Variants in WDR17 observed in about 807,000 individuals in gnomAD.
WDR17 encodes the protein WD repeat domain 17.
Under a neutral mutation model 161.7 loss-of-function variants are expected in WDR17, and 143 were observed. The observed-to-expected ratio is 0.88, with a 90% CI of 0.77 to 1.02. The LOEUF is 1.02. WDR17 is among the 50% of genes least tolerant of loss of function. The probability of loss-of-function intolerance (pLI) is 0.00; values close to 1 mark genes in which losing one functional copy is unlikely to be tolerated. For missense variants in WDR17, 1,469 were observed against 1,520.9 expected, an observed-to-expected ratio of 0.97 and a Z score of 0.57; for synonymous variants, 517 against 515.6, an observed-to-expected ratio of 1.00 and a Z score of -0.04.
Position 176,160,027 on chromosome 4 carries a change from T to C in WDR17, c.2559T>C (p.Asp853=). The change falls in exon 19 of 29, where the codon GAT becomes GAC. Residue 853 remains aspartate (D), a synonymous_variant. Transcript: ENST00000508596. ...RADQLIQEDK[D]DVIPYCIAIG... ...ACCAATTAATCCAGGAAGATAAGGA[T>C]GATGTCATTCCATACTGCATAGCCA... is the stretch of plus-strand genomic sequence containing the variant. 1 of 1,611,824 alleles carries C rather than the reference T, an allele frequency of 6.2e-7. No homozygotes were observed.
intron 1 of WDR17, among the ~76,000 whole-genome samples, chr4:176,080,700 TG>T (rs1390700479): frequency 6.6e-6 from 1 of 152,100 alleles, no homozygotes; most frequent in Non-Finnish European, 1.5e-5. Flanking sequence ...TAATTTTACT[TG>T]GCCTGTCTGA....
At chr4:176,096,587 T>C in intron 1 of WDR17, 1 of 1,579,896 alleles carries the variant, frequency 6.3e-7, no homozygotes, top group Non-Finnish European at 8.6e-7. Flanking sequence ...CTACAAAGAG[T>C]AAGATACATT....
intron 12 of WDR17, 91 bp from the exon 13 acceptor site, chr4:176,148,042 C>A (rs1682847934): frequency 1.8e-6 from 2 of 1,101,734 alleles, no homozygotes; most frequent in Non-Finnish European, 2.5e-6. Context: ...GATAAGCTAA[C>A]AAATAATTAT....
chr4:176,167,690 GAA>G (rs917956143), intron 22 of WDR17, among the ~76,000 whole-genome samples: 1 of 137,186 alleles, frequency 7.3e-6, no homozygotes, highest in Non-Finnish European at 1.6e-5. Flanking sequence ...TTGAATTATT[GAA>G]AGTTAAGTGT....
intron 1 of WDR17, among the ~76,000 whole-genome samples, chr4:176,082,722 T>C (rs759330979): frequency 1.8e-4 from 28 of 152,296 alleles, no homozygotes; most frequent in Middle Eastern, 3.4e-3. Context: ...TGTGGAAATA[T>C]AGTGTCTAAG....
chr4:176,179,734 TC>T lies in WDR17; in HGVS notation c.*156del. On this transcript the variant is annotated 3_prime_UTR_variant, in exon 29 of 29. Coordinates refer to ENST00000508596, the MANE Select transcript of WDR17 (RefSeq NM_181265.4). ...TAGCAGTGAATTTTAGTCATTAACT[TC>T]AAAATATATATATATATATAATTTA... 2.4e-6 allele frequency: 1 copy of T among 411,636 alleles called. No individual in the cohort carries two copies. The highest frequency in any genetic ancestry group is 3.8e-6 in the Non-Finnish European group (1 of 263,738). The allele number at this position is 411,636 out of a possible 1,614,324, so 25.5% of individuals were successfully genotyped here. A position where few individuals can be genotyped will look rare whatever the true frequency, so the allele number is the denominator to read the frequency against.
Position 176,174,619 on chromosome 4 carries a change from C to G in WDR17, c.3350C>G (p.Ala1117Gly). 3 of 1,602,154 alleles carry G rather than the reference C, an allele frequency of 1.9e-6. No homozygotes were observed. Among genetic ancestry groups the G allele is most frequent in the Non-Finnish European group, 1.7e-6 (2 of 1,173,834 alleles). ...AAAATAAATATATTCTCTTTTAGAG[C>G]TCGAAATGAGTTGCTGATATTATGT... ...EKLLLHTCTE[A>G]RNELLILCGY... The change falls in exon 26 of 29, where the codon GCT (alanine) becomes GGT (glycine). Residue 1117 changes from alanine to glycine, a missense_variant and splice_region_variant. Coordinates refer to ENST00000508596, the MANE Select transcript of WDR17 (RefSeq NM_181265.4).
intron 1 of WDR17, among the ~76,000 whole-genome samples, chr4:176,068,599 CA>C (rs937359416): frequency 1.1e-4 from 16 of 151,280 alleles, no homozygotes; most frequent in African/African-American, 3.6e-4. Context: ...AAGACAACGT[CA>C]AAAAAATTAA....
chr4:176,140,775 C>A (rs1445485361), intron 10 of WDR17, among the ~76,000 whole-genome samples: 1 of 151,796 alleles, frequency 6.6e-6, no homozygotes, highest in African/African-American at 2.4e-5. Context: ...AAGATCCTTA[C>A]CGGGAAGTTA....
chr4:176,150,656 G>A (rs1746969596), intron 16 of WDR17, 63 bp downstream of exon 16: 4 of 1,469,714 alleles, frequency 2.7e-6, no homozygotes, highest in East Asian at 2.4e-5. Flanking sequence ...CTATTAAAAT[G>A]TAAAAATGAT....
At chr4:176,096,482 C>A in intron 1 of WDR17, 1 of 1,551,640 alleles carries the variant, frequency 6.4e-7, no homozygotes, top group Non-Finnish European at 8.8e-7. Context: ...ATTCTGATGC[C>A]GAGTTTCCAA....
At chr4:176,066,652 C>T (rs970155867) in intron 1 of WDR17, among the ~76,000 whole-genome samples, 1 of 152,036 alleles carries the variant, frequency 6.6e-6, no homozygotes, top group Non-Finnish European at 1.5e-5. Flanking sequence ...AAGGAACAAA[C>T]AATTTAAGGA....
chr4:176,111,206 A>G (rs1345676322), intron 1 of WDR17: 1 of 155,048 alleles, frequency 6.4e-6, no homozygotes, highest in Non-Finnish European at 1.4e-5. Context: ...CCGTTTTTCT[A>G]GGAAGTTCCA....
chr4:176,106,599 G>A (rs1005210033), intron 1 of WDR17, among the ~76,000 whole-genome samples: 1 of 152,128 alleles, frequency 6.6e-6, no homozygotes, highest in Non-Finnish European at 1.5e-5. Flanking sequence ...AAAGGCACAG[G>A]CATCAAAAGC....
rs140000102 is a variant in WDR17, at chr4:176,143,028, C to T, written c.1529+959C>T. Among the ~76,000 whole-genome samples the T allele has an allele frequency of 3.1e-3, 475 of 152,192 alleles. 3 individuals are homozygous for T. The highest frequency in any genetic ancestry group is 0.011 in the African/African-American group (451 of 41,518). ...CTGAGTAGCTGGGATTATGGGCATG[C>T]GCCACCACGCCCAGCTAATTTTGTA... On this transcript the variant is annotated intron_variant, in intron 11 of 28. Coordinates refer to ENST00000508596, the MANE Select transcript of WDR17 (RefSeq NM_181265.4).
Position 176,145,946 on chromosome 4 carries a change from T to C in WDR17, c.1530-49T>C, listed in dbSNP as rs1010967219. The C allele has an allele frequency of 2.0e-6, 3 of 1,513,188 alleles. No homozygotes were observed. In the African/African-American group the frequency reaches 4.2e-5, roughly 21 times the overall value. 93.7% of individuals were successfully genotyped at this position (1,513,188 alleles called of 1,614,324 possible). On this transcript the variant is annotated intron_variant, in intron 11 of 28. Coordinates refer to ENST00000508596, the MANE Select transcript of WDR17 (RefSeq NM_181265.4). The stretch of plus-strand genomic sequence containing the variant: ...ACTATGGTATACCTTTAATTATTAG[T>C]TATATATCATATTTATCCTATGTCA...
intron 17 of WDR17, among the ~76,000 whole-genome samples, chr4:176,154,159 C>T (rs184590427): frequency 6.6e-6 from 1 of 152,204 alleles, no homozygotes; most frequent in Non-Finnish European, 1.5e-5. Context: ...ACTTAATGAT[C>T]CATGAAACTG....
rs760752728 is a variant in WDR17 at position 176,142,077 on chromosome 4, G to GT, written c.1529+16dup. On this transcript the variant is annotated intron_variant, in intron 11 of 28. Coordinates refer to ENST00000508596, the MANE Select transcript of WDR17 (RefSeq NM_181265.4). Reference sequence around the variant, plus strand: ...TTGGAGCCAAAACAATAAGTAAGTGGTTTTTTTTCCTGAAATAAATAATAA... The same window carrying GT: ...TTGGAGCCAAAACAATAAGTAAGTGGTTTTTTTTTCCTGAAATAAATAATAA... The GT allele has an allele frequency of 6.7e-5, 108 of 1,600,308 alleles. No homozygotes were observed. The highest frequency in any genetic ancestry group is 1.8e-4 in the South Asian group (16 of 88,612).
chr4:176,091,584 A>G (rs539086614), intron 1 of WDR17, among the ~76,000 whole-genome samples: 1 of 152,288 alleles, frequency 6.6e-6, no homozygotes, highest in East Asian at 1.9e-4. Flanking sequence ...ATCTTAAAGA[A>G]CTATAAAAGC....
Sources: gnomAD v4.1 joint callset for allele counts (sites outside exome capture counted in the v4.1 genomes callset) on GRCh38, gnomAD v4.1.1 for gene constraint, MANE v1.5 for transcripts, NCBI Gene and HGNC (gene_info 2026-07-23, HGNC 2026-07-21) for gene names.